ERC1: variants seen among roughly 807,000 people sequenced by gnomAD.
The protein encoded by ERC1 is ELKS/RAB6-interacting/CAST family member 1, also known as RAB6 interacting protein 2.
In ERC1, 56 loss-of-function variants were observed where a neutral mutation model predicts 132.0. That is an observed-to-expected ratio of 0.42 (90% confidence interval 0.34 to 0.53). ERC1 has a LOEUF of 0.53. ERC1 is among the 20% of genes least tolerant of loss of function. The probability of loss-of-function intolerance (pLI) is 0.03; values close to 1 mark genes in which losing one functional copy is unlikely to be tolerated. For synonymous variants in ERC1, 478 were observed against 476.1 expected (o/e 1.00, Z -0.05); for missense variants, 1,202 against 1,349.9 (o/e 0.89, Z 1.72).
At chr12:1,104,433 G>A (rs893017560) in intron 3 of ERC1, among the ~76,000 whole-genome samples, 1 of 152,096 alleles carries the variant, frequency 6.6e-6, no homozygotes, top group Non-Finnish European at 1.5e-5. Flanking sequence ...TATATTTCCC[G>A]GAGTTATGTG....
intron 16 of ERC1, among the ~76,000 whole-genome samples, chr12:1,378,029 T>C (rs980850071): frequency 2.6e-5 from 4 of 152,224 alleles, no homozygotes; most frequent in African/African-American, 4.8e-5. Flanking sequence ...CTAGCCAAAC[T>C]CAAATCATTT....
chr12:1,075,715 A>G (rs955654960), intron 2 of ERC1, among the ~76,000 whole-genome samples: 1 of 148,218 alleles, frequency 6.7e-6, no homozygotes, highest in Admixed American at 6.8e-5. Context: ...AAACAGAGCA[A>G]GACTGTCTCG....
chr12:1,216,571 A>G (rs987526629), intron 12 of ERC1, among the ~76,000 whole-genome samples: 1 of 108,440 alleles, frequency 9.2e-6, no homozygotes, highest in Admixed American at 1.3e-4. Flanking sequence ...AGCATTCACA[A>G]CTTTCATCAT....
intron 2 of ERC1, among the ~76,000 whole-genome samples, chr12:1,056,902 G>T (rs186489375): frequency 4.5e-4 from 68 of 152,238 alleles, no homozygotes; most frequent in African/African-American, 1.6e-3. Flanking sequence ...TTACGCCGAG[G>T]ACTCTATTGC....
chr12:1,366,485 C>T (rs573945081), intron 15 of ERC1, among the ~76,000 whole-genome samples: 17 of 152,294 alleles, frequency 1.1e-4, no homozygotes, highest in South Asian at 2.1e-4. Context: ...ACAGGCATTT[C>T]AGGCAGAGGA....
chr12:1,050,873 C>T (rs538245411), intron 2 of ERC1, among the ~76,000 whole-genome samples: 36 of 152,138 alleles, frequency 2.4e-4, no homozygotes, highest in East Asian at 9.7e-4. Context: ...AGCGTGGTGG[C>T]GCGTTCCTGT....
Position 1,493,969 on chromosome 12 carries a change from C to T in ERC1, c.*3739C>T, listed in dbSNP as rs1436693759. On this transcript the variant is annotated 3_prime_UTR_variant, in exon 19 of 19. Coordinates refer to ENST00000360905, the MANE Select transcript of ERC1 (RefSeq NM_178040.4). ...TGTTTCTGAGCCGCCCATCCACTGG[C>T]ATTTGGATTTGCTGCCAGAGTCCTG... is the stretch of plus-strand genomic sequence containing the variant. 1.3e-5 allele frequency: 3 copies of T among 232,400 alleles called. No individual in the cohort carries two copies. The highest frequency in any genetic ancestry group is 2.6e-5 in the Non-Finnish European group (3 of 117,596). 14.4% of individuals were successfully genotyped at this position (232,400 alleles called of 1,614,324 possible). A position where few individuals can be genotyped will look rare whatever the true frequency, so the allele number is the denominator to read the frequency against.
intron 18 of ERC1, among the ~76,000 whole-genome samples, chr12:1,481,258 A>C (rs184362475): frequency 0.021 from 3,126 of 152,364 alleles, 108 homozygotes; most frequent in African/African-American, 0.07. Flanking sequence ...GAGGTTGTGA[A>C]TAATCCATTT....
chr12:1,136,043 A>C (rs1392614186), intron 7 of ERC1, among the ~76,000 whole-genome samples: 1 of 152,230 alleles, frequency 6.6e-6, no homozygotes, highest in Non-Finnish European at 1.5e-5. Flanking sequence ...TAAGGTTCTT[A>C]TTCTCTCTCG....
intron 18 of ERC1, among the ~76,000 whole-genome samples, chr12:1,482,312 C>A (rs781675052): frequency 6.6e-6 from 1 of 152,062 alleles, no homozygotes; most frequent in Non-Finnish European, 1.5e-5. Context: ...AAATACCCAC[C>A]CCCCCAACCC....
At chr12:1,174,595 T>C (rs554023757) in intron 8 of ERC1, among the ~76,000 whole-genome samples, 1 of 152,358 alleles carries the variant, frequency 6.6e-6, no homozygotes, top group East Asian at 1.9e-4. Context: ...GTTAACATTT[T>C]AATTCCTGAA....
intron 1 of ERC1, among the ~76,000 whole-genome samples, chr12:1,023,212 A>G (rs1423757849): frequency 6.6e-6 from 1 of 152,206 alleles, no homozygotes; most frequent in Non-Finnish European, 1.5e-5. Flanking sequence ...GGCATAAACC[A>G]AGGTAATAAT....
At chr12:1,233,877 C>T (rs891147602) in intron 12 of ERC1, among the ~76,000 whole-genome samples, 1 of 151,836 alleles carries the variant, frequency 6.6e-6, no homozygotes, top group African/African-American at 2.4e-5. Flanking sequence ...ATAAAGTAGC[C>T]GTAAGAAATA....
chr12:1,101,973 T>G (rs1482147551), intron 3 of ERC1, among the ~76,000 whole-genome samples: 1 of 152,120 alleles, frequency 6.6e-6, no homozygotes, highest in Non-Finnish European at 1.5e-5. Flanking sequence ...TGTGGATTAG[T>G]GAAGGCTTTG....
chr12:1,138,212 TATATA>T (rs1054254423), intron 7 of ERC1, among the ~76,000 whole-genome samples: 2 of 112,848 alleles, frequency 1.8e-5, no homozygotes, highest in Non-Finnish European at 3.1e-5. Flanking sequence ...TGATATATAT[TATATA>T]ATATATATCA....
In ERC1 at chr12:1,433,128, G is replaced by A. The variant is rs145204817; in HGVS notation, c.3025-11434G>A. 3.3e-5 allele frequency among the ~76,000 whole-genome samples: 5 copies of A among 152,328 alleles called. No individual in the cohort carries two copies. In the East Asian group the frequency reaches 7.7e-4, roughly 24 times the overall value. On this transcript the variant is annotated intron_variant, in intron 17 of 18. Coordinates refer to ENST00000360905, the MANE Select transcript of ERC1 (RefSeq NM_178040.4). The stretch of plus-strand genomic sequence containing the variant: ...CCGTTGCCAAAGAAATGTTTAGGTA[G>A]ATGCAATTCTTAGTTAAGATTATAA...
chr12:1,190,110 C>A, intron 12 of ERC1, 58 bp downstream of exon 12: 2 of 1,415,092 alleles, frequency 1.4e-6, no homozygotes, highest in Non-Finnish European at 1.0e-6. Context: ...TAAAAGTATG[C>A]TTTTGGGGAC....
intron 7 of ERC1, among the ~76,000 whole-genome samples, chr12:1,134,470 C>T (rs1361532002): frequency 6.6e-6 from 1 of 151,796 alleles, no homozygotes; most frequent in African/African-American, 2.4e-5. Context: ...CTTCAGCCCC[C>T]TGAGTAGCTA....
intron 2 of ERC1, among the ~76,000 whole-genome samples, chr12:1,039,407 G>A (rs1046272205): frequency 1.3e-5 from 2 of 151,432 alleles, no homozygotes; most frequent in African/African-American, 4.8e-5. Flanking sequence ...GTATGTGCCT[G>A]TAGCCCCAGC....
Sources: gnomAD v4.1 joint callset for allele counts (sites outside exome capture counted in the v4.1 genomes callset) on GRCh38, gnomAD v4.1.1 for gene constraint, MANE v1.5 for transcripts, NCBI Gene and HGNC (gene_info 2026-07-23, HGNC 2026-07-21) for gene names.